GPR39: variants seen among roughly 807,000 people sequenced by gnomAD.
GPR39 encodes the protein zinc sensing receptor.
In GPR39, 23 loss-of-function variants were observed where a neutral mutation model predicts 18.4. That is an observed-to-expected ratio of 1.25 (90% CI 0.90 to 1.77). The LOEUF is 1.77. Among genes scored for constraint, GPR39 ranks in the 40% most tolerant of loss-of-function variants. GPR39 has a pLI of 0.00. For missense variants in GPR39, 647 were observed against 602.4 expected, an observed-to-expected ratio of 1.07 and a Z score of -0.78; for synonymous variants, 280 against 257.9, an observed-to-expected ratio of 1.09 and a Z score of -0.82.
intron 1 of GPR39, among the ~76,000 whole-genome samples, chr2:132,483,375 TGCTTCATCCAGCTC>T (rs1681270767): frequency 6.6e-6 from 1 of 152,242 alleles, no homozygotes; most frequent in South Asian, 2.1e-4. Context: ...CAATCCATCT[TGCTTCATCCAGCTC>T]TAGTGGGTGC....
intron 1 of GPR39, among the ~76,000 whole-genome samples, chr2:132,429,933 A>G (rs1371211146): frequency 2.6e-5 from 4 of 152,246 alleles, no homozygotes; most frequent in Non-Finnish European, 5.9e-5. Flanking sequence ...ATTTAGACTG[A>G]AAAGTAGACT....
chr2:132,499,234 T>C (rs771724376), intron 1 of GPR39, among the ~76,000 whole-genome samples: 7 of 152,214 alleles, frequency 4.6e-5, no homozygotes, highest in Non-Finnish European at 7.3e-5. Flanking sequence ...TGGATTTTTA[T>C]ATGAAGTGAG....
intron 1 of GPR39, among the ~76,000 whole-genome samples, chr2:132,625,886 G>A (rs1392539344): frequency 6.6e-6 from 1 of 152,138 alleles, no homozygotes; most frequent in Admixed American, 6.5e-5. Flanking sequence ...TGGATCACAA[G>A]GTTGGGAGAT....
intron 1 of GPR39, among the ~76,000 whole-genome samples, chr2:132,609,256 C>A (rs556926910): frequency 6.6e-6 from 1 of 152,256 alleles, no homozygotes; most frequent in East Asian, 1.9e-4. Context: ...CCAGCTGTGT[C>A]CCTGGCTATT....
At chr2:132,515,026 A>G (rs1679306815) in intron 1 of GPR39, among the ~76,000 whole-genome samples, 1 of 152,246 alleles carries the variant, frequency 6.6e-6, no homozygotes, top group Non-Finnish European at 1.5e-5. Flanking sequence ...CCAACAAAAC[A>G]AAACAAACCT....
At chr2:132,592,437 G>A (rs2104833337) in intron 1 of GPR39, among the ~76,000 whole-genome samples, 1 of 152,338 alleles carries the variant, frequency 6.6e-6, no homozygotes, top group South Asian at 2.1e-4. Context: ...AGCAGAGTCA[G>A]GGAGAATGGG....
At chr2:132,498,857 T>C (rs1681698067) in intron 1 of GPR39, among the ~76,000 whole-genome samples, 1 of 152,224 alleles carries the variant, frequency 6.6e-6, no homozygotes, top group Admixed American at 6.5e-5. Flanking sequence ...GCCATTTGTG[T>C]ATCTTCTTTT....
chr2:132,515,319 A>G (rs1263730858), intron 1 of GPR39, among the ~76,000 whole-genome samples: 2 of 152,198 alleles, frequency 1.3e-5, no homozygotes, highest in African/African-American at 4.8e-5. Context: ...TTGACTGACC[A>G]TTTATCCAAC....
chr2:132,489,475 G>A (rs907257875), intron 1 of GPR39, among the ~76,000 whole-genome samples: 6 of 152,130 alleles, frequency 3.9e-5, no homozygotes, highest in Admixed American at 1.3e-4. Flanking sequence ...CTCCCTCCTG[G>A]ACTTTCTTGA....
intron 1 of GPR39, among the ~76,000 whole-genome samples, chr2:132,506,423 T>C (rs891484165): frequency 1.3e-5 from 2 of 152,216 alleles, no homozygotes; most frequent in African/African-American, 4.8e-5. Flanking sequence ...TATTTGTCTA[T>C]TTTTATTTTT....
intron 1 of GPR39, among the ~76,000 whole-genome samples, chr2:132,563,343 C>T (rs1200543278): frequency 1.3e-5 from 2 of 152,178 alleles, no homozygotes; most frequent in East Asian, 3.8e-4. Flanking sequence ...GGTGGGATGG[C>T]TTTTCCCTGA....
At chr2:132,482,006 G>A (rs1681244567) in intron 1 of GPR39, among the ~76,000 whole-genome samples, 1 of 152,166 alleles carries the variant, frequency 6.6e-6, no homozygotes, top group African/African-American at 2.4e-5. Context: ...GAACATCTCT[G>A]TAGACTGGAC....
At chr2:132,537,490 T>C (rs2104782093) in intron 1 of GPR39, among the ~76,000 whole-genome samples, 1 of 145,482 alleles carries the variant, frequency 6.9e-6, no homozygotes, top group East Asian at 2.2e-4. Context: ...TCTCTGTGGC[T>C]TCCCTTAACA....
At chr2:132,426,725 G>C (rs1159200028) in intron 1 of GPR39, among the ~76,000 whole-genome samples, 1 of 152,210 alleles carries the variant, frequency 6.6e-6, no homozygotes, top group African/African-American at 2.4e-5. Context: ...AGCCATTCTG[G>C]CAAGCAGAGG....
intron 1 of GPR39, among the ~76,000 whole-genome samples, chr2:132,502,242 C>T (rs1221257047): frequency 6.6e-6 from 1 of 152,094 alleles, no homozygotes; most frequent in Non-Finnish European, 1.5e-5. Flanking sequence ...ATTTAGAGCT[C>T]CTTTTAGCAG....
chr2:132,446,314 G>T (rs1680537656), intron 1 of GPR39, among the ~76,000 whole-genome samples: 1 of 152,188 alleles, frequency 6.6e-6, no homozygotes, highest in Admixed American at 6.5e-5. Context: ...TGAAGAAATG[G>T]TCTCCACCTT....
chr2:132,484,954 C>T (rs567991757), intron 1 of GPR39, among the ~76,000 whole-genome samples: 110 of 152,120 alleles, frequency 7.2e-4, no homozygotes, highest in Non-Finnish European at 1.5e-3. Flanking sequence ...CAGATAATGT[C>T]AGAAGTGGGG....
At chr2:132,635,505 A>G (rs185748890) in intron 1 of GPR39, among the ~76,000 whole-genome samples, 2 of 152,276 alleles carry the variant, frequency 1.3e-5, no homozygotes, top group African/African-American at 4.8e-5. Context: ...GATCTGGACT[A>G]AGTGTGGGCA....
At chr2:132,421,282 C>G (rs562581958) in intron 1 of GPR39, among the ~76,000 whole-genome samples, 1 of 152,228 alleles carries the variant, frequency 6.6e-6, no homozygotes, top group East Asian at 1.9e-4. Flanking sequence ...GCACACATGG[C>G]TTGCTATCAA....
Sources: gnomAD v4.1 joint callset for allele counts (sites outside exome capture counted in the v4.1 genomes callset) on GRCh38, gnomAD v4.1.1 for gene constraint, MANE v1.5 for transcripts, NCBI Gene and HGNC (gene_info 2026-07-23, HGNC 2026-07-21) for gene names.